Variants in FTO observed in about 807,000 individuals in gnomAD.
The protein encoded by FTO is alpha-ketoglutarate-dependent dioxygenase FTO.
FTO carries 47 observed loss-of-function variants against 63.9 expected under a neutral mutation model. The ratio of observed to expected loss-of-function variants is 0.74; its 90% CI spans 0.58 to 0.94. FTO has a LOEUF of 0.94. FTO is among the 40% of genes least tolerant of loss of function. The pLI is 0.00. For missense variants in FTO, 562 were observed against 618.1 expected (o/e 0.91, Z 0.96); for synonymous variants, 207 against 224.4 (o/e 0.92, Z 0.69).
intron 8 of FTO, among the ~76,000 whole-genome samples, chr16:54,096,582 T>C (rs2086521244): frequency 6.6e-6 from 1 of 152,202 alleles, no homozygotes; most frequent in Non-Finnish European, 1.5e-5. Flanking sequence ...ATGACACATA[T>C]CGCTCAGAGG....
intron 8 of FTO, among the ~76,000 whole-genome samples, chr16:53,966,880 G>A (rs1344502): frequency 0.58 from 88,353 of 151,994 alleles, 26,669 homozygotes; most frequent in East Asian, 0.77. Flanking sequence ...CCAGGAAAAC[G>A]TATGATACCA....
chr16:53,773,413 T>C (rs1384718126), intron 1 of FTO, among the ~76,000 whole-genome samples: 1 of 152,082 alleles, frequency 6.6e-6, no homozygotes, highest in African/African-American at 2.4e-5. Context: ...GATTTCTAGG[T>C]GTCAGGGAAA....
chr16:53,873,865 G>A lies in FTO; in HGVS notation c.975G>A (p.Glu325=), dbSNP rs749212983. 10 of 1,610,060 alleles carry A rather than the reference G, an allele frequency of 6.2e-6. No individual in the cohort carries two copies. The highest frequency in any genetic ancestry group is 8.5e-6 in the Non-Finnish European group (10 of 1,176,822). Residue 325 remains glutamate, a splice_region_variant and synonymous_variant, in exon 5 of 9, where the codon GAG becomes GAA. Coordinates refer to ENST00000471389, the MANE Select transcript of FTO (RefSeq NM_001080432.3). ...PRFSSTHRVA[E]CSTGTLDYIL... is the part of the protein sequence containing the mutation. ...TTAGTTCCACCCACCGAGTGGCAGA[G>A]GTAAGTGTAAATAAAAATGTGATTC...
rs918623709 is a variant in FTO at position 53,778,874 on chromosome 16, T to C, written c.46-31266T>C. Among the ~76,000 whole-genome samples the C allele has an allele frequency of 7.7e-4, 110 of 143,308 alleles. 2 individuals are homozygous for C. Among genetic ancestry groups the C allele is most frequent in the African/African-American group, 2.7e-3 (98 of 36,182 alleles). 94.0% of individuals were successfully genotyped at this position (143,308 alleles called of 152,430 possible). A position where few individuals can be genotyped will look rare whatever the true frequency, so the allele number is the denominator to read the frequency against. On this transcript the variant is annotated intron_variant, in intron 1 of 8. Transcript: ENST00000471389. Reference sequence around the variant, plus strand: ...TGATTGTGGATTTTTTTTTTTTTTTTGAATTGTTGTTTCTGTTAGAAAAAT... The same window carrying C: ...TGATTGTGGATTTTTTTTTTTTTTTCGAATTGTTGTTTCTGTTAGAAAAAT...
At position 53,905,931 on chromosome 16, in the gene FTO, G is replaced by A. The variant is rs568873267; in HGVS notation, c.1239+16980G>A. Among the ~76,000 whole-genome samples, 64 of 152,058 alleles carry A rather than the reference G, an allele frequency of 4.2e-4. No homozygotes were observed. The South Asian group carries it at 0.013, about 31-fold the overall frequency. ...TGCCTTGCTCTTCCTTCTTTTTGGC[G>A]TAATCCATTTGAAAAACTCCCTTAT... On this transcript the variant is annotated intron_variant, in intron 7 of 8. Transcript: ENST00000471389.
intron 3 of FTO, 77 bp downstream of exon 3, chr16:53,826,568 C>T (rs562493500): frequency 2.9e-6 from 4 of 1,382,672 alleles, no homozygotes; most frequent in East Asian, 4.6e-5. Context: ...GAGATACACA[C>T]GCATATACAT....
At chr16:54,003,440 A>G (rs1221622149) in intron 8 of FTO, among the ~76,000 whole-genome samples, 1 of 152,250 alleles carries the variant, frequency 6.6e-6, no homozygotes, top group African/African-American at 2.4e-5. Flanking sequence ...GCACATATAG[A>G]AAGATGAGGT....
At chr16:54,030,754 T>G (rs561198140) in intron 8 of FTO, among the ~76,000 whole-genome samples, 27 of 152,220 alleles carry the variant, frequency 1.8e-4, no homozygotes, top group Admixed American at 1.6e-3. Flanking sequence ...GATTAGACAT[T>G]AAAAACATGA....
intron 6 of FTO, among the ~76,000 whole-genome samples, chr16:53,880,464 GT>G (rs1177429611): frequency 5.9e-5 from 9 of 152,196 alleles, no homozygotes; most frequent in African/African-American, 1.7e-4. Context: ...GTATTTTTGT[GT>G]TAGTTCACGA....
At chr16:53,812,655 T>G (rs1438918039) in intron 2 of FTO, among the ~76,000 whole-genome samples, 1 of 152,292 alleles carries the variant, frequency 6.6e-6, no homozygotes, top group East Asian at 1.9e-4. Flanking sequence ...GAAAACCAGT[T>G]ATATATAATA....
intron 8 of FTO, among the ~76,000 whole-genome samples, chr16:53,954,315 G>A (rs2082870327): frequency 6.6e-6 from 1 of 152,114 alleles, no homozygotes; most frequent in Non-Finnish European, 1.5e-5. Flanking sequence ...CTGTGGATGG[G>A]CCTTTCATTT....
chr16:53,843,818 A>AAT (rs58456057), intron 3 of FTO, among the ~76,000 whole-genome samples: 2 of 68,358 alleles, frequency 2.9e-5, no homozygotes, highest in South Asian at 6.0e-4. Context: ...TTAAAAAGTA[A>AAT]TTTTTTTTTT....
chr16:53,891,656 G>C (rs1598922169), intron 7 of FTO, among the ~76,000 whole-genome samples: 1 of 152,232 alleles, frequency 6.6e-6, no homozygotes, highest in East Asian at 1.9e-4. Flanking sequence ...GTGAGACCTT[G>C]TCTCACGTAC....
intron 8 of FTO, among the ~76,000 whole-genome samples, chr16:54,007,124 G>C (rs997735108): frequency 1.3e-5 from 2 of 152,194 alleles, no homozygotes; most frequent in East Asian, 1.9e-4. Context: ...GGCCGATATG[G>C]TTTTGGGGGA....
At chr16:53,763,156 TAGAG>T (rs2077111860) in intron 1 of FTO, among the ~76,000 whole-genome samples, 1 of 152,158 alleles carries the variant, frequency 6.6e-6, no homozygotes, top group South Asian at 2.1e-4. Flanking sequence ...CTAATATAGA[TAGAG>T]AGTGTCTAAT....
At chr16:53,733,802 A>G (rs943532129) in intron 1 of FTO, among the ~76,000 whole-genome samples, 12 of 152,234 alleles carry the variant, frequency 7.9e-5, no homozygotes, top group Non-Finnish European at 1.6e-4. Context: ...ATTATAAAGA[A>G]CATTATATAA....
In FTO at chr16:54,115,721, C is replaced by T. The variant is rs1248904762; in HGVS notation, c.*3806C>T. On this transcript the variant is annotated 3_prime_UTR_variant, in exon 9 of 9. Transcript: ENST00000471389. ...AGACGGGAGCCGCTCGGGTTTTATT[C>T]CACACACCCCAGGAAGCATGAGAGG... The T allele has an allele frequency of 5.3e-5, 8 of 152,178 alleles. No homozygotes were observed. The highest frequency in any genetic ancestry group is 5.2e-4 in the Admixed American group (8 of 15,268). 9.4% of individuals were successfully genotyped at this position (152,178 alleles called of 1,614,324 possible).
At chr16:53,869,961 A>C (rs1261935416) in intron 4 of FTO, among the ~76,000 whole-genome samples, 2 of 152,084 alleles carry the variant, frequency 1.3e-5, no homozygotes, top group Non-Finnish European at 2.9e-5. Context: ...GGATAAGAGG[A>C]ACTGCAGTAA....
chr16:54,020,051 A>T (rs555922379), intron 8 of FTO, among the ~76,000 whole-genome samples: 108 of 152,360 alleles, frequency 7.1e-4, no homozygotes, highest in African/African-American at 2.5e-3. Context: ...CACTAATTGT[A>T]AAAATTAGGA....
Sources: gnomAD v4.1 joint callset for allele counts (sites outside exome capture counted in the v4.1 genomes callset) on GRCh38, gnomAD v4.1.1 for gene constraint, MANE v1.5 for transcripts, NCBI Gene and HGNC (gene_info 2026-07-23, HGNC 2026-07-21) for gene names.